The following CNOT6L variants were observed in gnomAD, a reference collection of about 807,000 sequenced individuals.
CNOT6L encodes CCR4-NOT transcription complex subunit 6 like, also known as CCR4-NOT transcription complex subunit 6-like.
A neutral mutation model predicts 64.0 loss-of-function variants in CNOT6L; 7 were observed. The observed-to-expected ratio is 0.11, with a 90% confidence interval of 0.06 to 0.21. CNOT6L has a LOEUF of 0.21. Ranked by LOEUF, CNOT6L falls within the 10% of genes least tolerant of loss-of-function variation. The pLI is 1.00. For synonymous variants in CNOT6L, 193 were observed against 243.4 expected, an observed-to-expected ratio of 0.79 and a Z score of 1.93; for missense variants, 245 against 669.0, an observed-to-expected ratio of 0.37 and a Z score of 6.99.
chr4:77,767,087 G>C (rs1411733467), intron 4 of CNOT6L, among the ~76,000 whole-genome samples: 87 of 121,454 alleles, frequency 7.2e-4, no homozygotes, highest in African/African-American at 2.6e-3. Flanking sequence ...AAAAAAAAAA[G>C]GGAAAAAAGA....
At chr4:77,757,967 TG>T (rs1725747165) in intron 4 of CNOT6L, among the ~76,000 whole-genome samples, 1 of 152,216 alleles carries the variant, frequency 6.6e-6, no homozygotes, top group African/African-American at 2.4e-5. Context: ...CCCAAAATGC[TG>T]GGATTACAGG....
In CNOT6L at chr4:77,795,021, C is replaced by CTT. The variant is rs35837302; in HGVS notation, c.6-18631_6-18630dup. On this transcript the variant is annotated intron_variant, in intron 1 of 11. Coordinates refer to ENST00000504123, the MANE Select transcript of CNOT6L (RefSeq NM_144571.3). ...AAGCAAAAGTAAAAAAGAAATTTTT[C>CTT]TTTTTTTTTTTTTTTTTGAGACACT... Among the ~76,000 whole-genome samples, 1,297 of 131,946 alleles carry CTT rather than the reference C, an allele frequency of 9.8e-3. 23 individuals carry two copies. The highest frequency in any genetic ancestry group is 0.023 in the Admixed American group (296 of 12,806). The allele number at this position is 131,946 out of a possible 152,430, so 86.6% of individuals were successfully genotyped here.
At chr4:77,743,879 G>C (rs1723894154) in intron 7 of CNOT6L, among the ~76,000 whole-genome samples, 1 of 151,962 alleles carries the variant, frequency 6.6e-6, no homozygotes, top group African/African-American at 2.4e-5. Flanking sequence ...TGGGACTATA[G>C]GCGTGAGCCA....
At chr4:77,735,157 C>G (rs184571138) in intron 8 of CNOT6L, among the ~76,000 whole-genome samples, 9 of 152,298 alleles carry the variant, frequency 5.9e-5, no homozygotes, top group African/African-American at 2.2e-4. Context: ...TGGTTTAACT[C>G]TCACAGGCCA....
At chr4:77,793,533 T>C (rs566778632) in intron 1 of CNOT6L, among the ~76,000 whole-genome samples, 1 of 152,156 alleles carries the variant, frequency 6.6e-6, no homozygotes, top group Non-Finnish European at 1.5e-5. Flanking sequence ...AGTCTGGCTC[T>C]ACAGTCCCAG....
At chr4:77,757,090 C>A (rs1242350580) in intron 4 of CNOT6L, 139 bp from the exon 5 acceptor site, 1 of 452,406 alleles carries the variant, frequency 2.2e-6, no homozygotes, top group Non-Finnish European at 3.9e-6. Flanking sequence ...CTATTATATA[C>A]ATTTAAAAAT....
chr4:77,793,192 A>T (rs548402350), intron 1 of CNOT6L, among the ~76,000 whole-genome samples: 1 of 152,302 alleles, frequency 6.6e-6, no homozygotes, highest in South Asian at 2.1e-4. Context: ...GCCAGAGGTT[A>T]TGAATTGTAT....
chr4:77,818,945 C>A (rs1246193429), intron 1 of CNOT6L: 1 of 642,384 alleles, frequency 1.6e-6, no homozygotes, highest in Non-Finnish European at 2.9e-6. Flanking sequence ...TCAGCCCTCC[C>A]CGGCCGGCCC....
chr4:77,735,844 TTTTTC>T (rs1464444657), intron 8 of CNOT6L, among the ~76,000 whole-genome samples: 1 of 152,224 alleles, frequency 6.6e-6, no homozygotes, highest in African/African-American at 2.4e-5. Flanking sequence ...CAGCCTTTTC[TTTTTC>T]TTAAGTTTCT....
chr4:77,733,037 T>C (rs577661760), intron 8 of CNOT6L, among the ~76,000 whole-genome samples: 10 of 152,226 alleles, frequency 6.6e-5, no homozygotes, highest in African/African-American at 2.2e-4. Flanking sequence ...ATGTGTCCTA[T>C]AGACAGGATT....
At chr4:77,730,705 C>A (rs988300229) in intron 9 of CNOT6L, among the ~76,000 whole-genome samples, 2 of 151,974 alleles carry the variant, frequency 1.3e-5, no homozygotes, top group African/African-American at 4.8e-5. Flanking sequence ...CTGAATAATT[C>A]AAATCAATAC....
intron 4 of CNOT6L, among the ~76,000 whole-genome samples, chr4:77,761,323 C>T (rs543968192): frequency 6.6e-6 from 1 of 152,154 alleles, no homozygotes; most frequent in South Asian, 2.1e-4. Flanking sequence ...AGAAAGCTGA[C>T]ATGGCTATAG....
chr4:77,803,886 G>C (rs1731907236), intron 1 of CNOT6L, among the ~76,000 whole-genome samples: 1 of 151,610 alleles, frequency 6.6e-6, no homozygotes, highest in African/African-American at 2.4e-5. Context: ...CTGTCAACAA[G>C]AGCGAAATTC....
chr4:77,735,453 T>C (rs1577928810), intron 8 of CNOT6L, among the ~76,000 whole-genome samples: 1 of 152,250 alleles, frequency 6.6e-6, no homozygotes, highest in East Asian at 1.9e-4. Context: ...AATCCTAGAA[T>C]TTTTTTCTCT....
At chr4:77,738,898 G>A (rs936345512) in intron 8 of CNOT6L, among the ~76,000 whole-genome samples, 4 of 151,998 alleles carry the variant, frequency 2.6e-5, no homozygotes, top group Non-Finnish European at 5.9e-5. Context: ...AGCAAAAGCT[G>A]AGATCTGGTA....
At position 77,774,628 on chromosome 4, in the gene CNOT6L, T is replaced by G. The variant is rs1258354493; in HGVS notation, c.216A>C (p.Pro72=). The G allele has an allele frequency of 1.9e-6, 3 of 1,613,616 alleles. No individual in the cohort carries two copies. Among genetic ancestry groups the G allele is most frequent in the Non-Finnish European group, 2.5e-6 (3 of 1,179,710 alleles). The part of the protein sequence containing the change: ...HLNDNYLSRI[P]PDIAKLHNLV... ...GATTATGAAGCTTGGCAATATCAGG[T>G]GGAATGCGACTAAGGTAATTGTCAT... Residue 72 remains proline (P), a synonymous_variant, in exon 3 of 12, where the codon CCA becomes CCC. Coordinates refer to ENST00000504123, the MANE Select transcript of CNOT6L (RefSeq NM_144571.3).
chr4:77,819,284 G>T lies in CNOT6L; in HGVS notation c.5+20C>A. 6.2e-7 allele frequency: 1 copy of T among 1,613,510 alleles called. No individual in the cohort carries two copies. The highest frequency in any genetic ancestry group is 1.7e-5 in the Admixed American group (1 of 60,006). ...TTCCCAACACTCTCGGTCCTACTCG[G>T]AGGCAAAAGAACACTCTACCTCATT... On this transcript the variant is annotated intron_variant, in intron 1 of 11. Coordinates refer to ENST00000504123, the MANE Select transcript of CNOT6L (RefSeq NM_144571.3).
In CNOT6L at chr4:77,746,228, ACT is replaced by A. The variant is rs141435803; in HGVS notation, c.560-1355_560-1354del. On this transcript the variant is annotated intron_variant, in intron 6 of 11. Coordinates refer to ENST00000504123, the MANE Select transcript of CNOT6L (RefSeq NM_144571.3). The stretch of plus-strand genomic sequence containing the variant: ...TTGCAATTTTTATAATATAGCCAAA[ACT>A]CTTTATATCCCTGCCAGTGCCTGAG... Among the ~76,000 whole-genome samples the A allele has an allele frequency of 6.6e-5, 10 of 152,220 alleles. No individual in the cohort carries two copies. The East Asian group carries it at 1.9e-3, about 29-fold the overall frequency.
intron 1 of CNOT6L, among the ~76,000 whole-genome samples, chr4:77,795,539 G>T (rs1730733339): frequency 6.6e-6 from 1 of 152,092 alleles, no homozygotes; most frequent in African/African-American, 2.4e-5. Context: ...TCTTAAGACA[G>T]CTGGTTATTT....
Sources: allele counts gnomAD v4.1 joint callset (sites outside exome capture counted in the v4.1 genomes callset), GRCh38; gene constraint gnomAD v4.1.1; transcripts MANE v1.5; gene names NCBI Gene and HGNC (gene_info 2026-07-23, HGNC 2026-07-21).